THOC7: variants seen among roughly 807,000 people sequenced by gnomAD.
The protein encoded by THOC7 is NIF3L1-binding protein 1.
THOC7 carries 22 observed loss-of-function variants against 33.1 expected under a neutral mutation model. That is an observed-to-expected ratio of 0.66 (90% CI 0.47 to 0.95). The LOEUF (loss-of-function observed/expected upper bound fraction) is 0.95, where lower values mean the gene tolerates loss of function less well. Ranked by LOEUF, THOC7 falls within the 40% of genes least tolerant of loss-of-function variation. The pLI is 0.00. For missense variants in THOC7, 184 were observed against 245.3 expected (o/e 0.75, Z 1.67); for synonymous variants, 77 against 76.8 (o/e 1.00, Z -0.01).
At chr3:63,845,530 G>A (rs748901716) in intron 1 of THOC7, among the ~76,000 whole-genome samples, 39 of 152,190 alleles carry the variant, frequency 2.6e-4, no homozygotes, top group Non-Finnish European at 4.3e-4. Flanking sequence ...GGTAACCAAC[G>A]GCAGTCACAG....
chr3:63,834,677 G>GA (rs1701592603), intron 7 of THOC7, among the ~76,000 whole-genome samples: 3 of 149,820 alleles, frequency 2.0e-5, no homozygotes, highest in African/African-American at 2.4e-5. Context: ...AAAAAGAAAA[G>GA]AAAAAATGGG....
In THOC7 at chr3:63,834,146, C is replaced by A. The variant is rs1231991851; in HGVS notation, c.601G>T (p.Asp201Tyr). The A allele has an allele frequency of 6.8e-6, 11 of 1,613,992 alleles. No homozygotes were observed. The highest frequency in any genetic ancestry group is 2.7e-5 in the African/African-American group (2 of 74,924). Residue 201 changes from aspartate (D) to tyrosine (Y), a missense_variant, in exon 8 of 8, where the codon GAT becomes TAT. By Grantham distance (160) the Asp-to-Tyr change is radical. Coordinates refer to ENST00000295899, the MANE Select transcript of THOC7 (RefSeq NM_025075.4). ...EEAQEASMET[D>Y]PKP ...AATTAGCCTGTCTATGGCTTAGGAT[C>A]TGTTTCCATGCTTGCTTCCTGAGCT... is the stretch of plus-strand genomic sequence containing the variant.
chr3:63,863,333 G>T (rs1702278027), intron 1 of THOC7: 2 of 613,114 alleles, frequency 3.3e-6, no homozygotes, highest in Admixed American at 6.2e-5. Flanking sequence ...AAACCTTCCA[G>T]GCCCCCAGCC....
chr3:63,852,478 T>A (rs1446802433), intron 1 of THOC7, among the ~76,000 whole-genome samples: 2 of 152,164 alleles, frequency 1.3e-5, no homozygotes, highest in African/African-American at 4.8e-5. Context: ...AAAGCTGAAG[T>A]CCTTTCCTTC....
intron 1 of THOC7, among the ~76,000 whole-genome samples, chr3:63,862,445 A>C (rs1042715019): frequency 3.3e-5 from 5 of 152,184 alleles, no homozygotes; most frequent in African/African-American, 4.8e-5. Context: ...CTTTCCCTTC[A>C]GACCAAAATT....
chr3:63,840,826 T>C (rs889235616), intron 1 of THOC7, among the ~76,000 whole-genome samples: 5 of 152,200 alleles, frequency 3.3e-5, no homozygotes, highest in African/African-American at 1.2e-4. Flanking sequence ...AACTGCACTT[T>C]TATACACTAA....
At chr3:63,860,263 G>A (rs112095470) in intron 1 of THOC7, among the ~76,000 whole-genome samples, 1 of 150,296 alleles carries the variant, frequency 6.7e-6, no homozygotes, top group Admixed American at 6.6e-5. Context: ...TAGGATGGTC[G>A]CAAACTCCTG....
At chr3:63,858,085 T>C (rs1047099479) in intron 1 of THOC7, among the ~76,000 whole-genome samples, 18 of 152,148 alleles carry the variant, frequency 1.2e-4, no homozygotes, top group African/African-American at 4.1e-4. Context: ...GCAATTGAAA[T>C]AGGAATAACA....
intron 1 of THOC7, 186 bp downstream of exon 1, chr3:63,863,586 G>A: frequency 8.3e-7 from 1 of 1,198,366 alleles, no homozygotes; most frequent in Non-Finnish European, 1.0e-6. Flanking sequence ...GGCGAGAGGA[G>A]GAAGGACTCA....
At chr3:63,863,168 G>C (rs1214770448) in intron 1 of THOC7, 1 of 152,648 alleles carries the variant, frequency 6.6e-6, no homozygotes, top group Admixed American at 6.5e-5. Flanking sequence ...CGCAGTTCAA[G>C]GCCTCATTGC....
chr3:63,851,596 A>T (rs1702020647), intron 1 of THOC7, among the ~76,000 whole-genome samples: 1 of 152,194 alleles, frequency 6.6e-6, no homozygotes, highest in Non-Finnish European at 1.5e-5. Context: ...TATAATAATG[A>T]AGTTCCTTCT....
intron 1 of THOC7, among the ~76,000 whole-genome samples, chr3:63,844,729 CTT>C (rs1323193089): frequency 1.3e-5 from 2 of 152,176 alleles, no homozygotes; most frequent in Non-Finnish European, 2.9e-5. Flanking sequence ...CATGTGATAC[CTT>C]TTGCCATGTT....
intron 4 of THOC7, 89 bp from the exon 5 acceptor site, chr3:63,836,447 A>G (rs1320332094): frequency 3.3e-6 from 4 of 1,205,958 alleles, no homozygotes; most frequent in Non-Finnish European, 4.8e-6. Flanking sequence ...ACCTCTCCTA[A>G]TCACTTTCCT....
chr3:63,848,707 A>G (rs184472772), intron 1 of THOC7: 11 of 152,228 alleles, frequency 7.2e-5, no homozygotes, highest in African/African-American at 2.4e-4. Flanking sequence ...GATCAAACAG[A>G]GCACGAATTA....
At position 63,839,693 on chromosome 3, in the gene THOC7, A is replaced by G. The variant is rs1701717245; in HGVS notation, c.100T>C (p.Phe34Leu). The part of the protein sequence containing the change: ...DRRINLLVKS[F>L]IKWCNSGSQE... ...GACCCAGAGTTGCACCATTTAATGA[A>G]ACTCTTCACTAGCAGATTAATTCTC... Residue 34 changes from phenylalanine to leucine, a missense_variant, in exon 2 of 8, where the codon TTC (phenylalanine) becomes CTC (leucine). Around this residue, in one of 3 missense-constraint regions of THOC7, gnomAD observed 157 missense variants for 201.3 expected, o/e 0.78. Transcript: ENST00000295899. 10 of 1,612,482 alleles carry G rather than the reference A, an allele frequency of 6.2e-6. No individual in the cohort carries two copies. Among genetic ancestry groups the G allele is most frequent in the Non-Finnish European group, 8.5e-6 (10 of 1,179,944 alleles).
At chr3:63,836,234 C>T (rs1247357904) in intron 5 of THOC7, 67 bp downstream of exon 5, 3 of 1,460,366 alleles carry the variant, frequency 2.1e-6, no homozygotes, top group Non-Finnish European at 2.8e-6. Flanking sequence ...AAATGAAATG[C>T]CTACGGTAGT....
chr3:63,834,622 T>G (rs1477676262), intron 7 of THOC7, among the ~76,000 whole-genome samples: 5 of 150,542 alleles, frequency 3.3e-5, no homozygotes, highest in Non-Finnish European at 7.4e-5. Flanking sequence ...ATTGTGCCAC[T>G]GCACTCCAGC....
intron 1 of THOC7, chr3:63,844,937 G>A (rs1470856633): frequency 8.5e-6 from 5 of 587,834 alleles, no homozygotes; most frequent in Non-Finnish European, 1.5e-5. Flanking sequence ...CTGAAAATGT[G>A]GAAGCGGCAA....
At chr3:63,852,144 G>A (rs1020690434) in intron 1 of THOC7, among the ~76,000 whole-genome samples, 3 of 152,164 alleles carry the variant, frequency 2.0e-5, no homozygotes, top group East Asian at 1.9e-4. Flanking sequence ...TCTACATGAC[G>A]CTAATTCTGC....
Sources: allele counts gnomAD v4.1 joint callset (sites outside exome capture counted in the v4.1 genomes callset), GRCh38; gene constraint gnomAD v4.1.1; regional missense constraint gnomAD v4.1.1; transcripts MANE v1.5; gene names NCBI Gene and HGNC (gene_info 2026-07-23, HGNC 2026-07-21).